The following INPP5A variants were observed in gnomAD, a reference collection of about 807,000 sequenced individuals.
The protein encoded by INPP5A is inositol polyphosphate-5-phosphatase A.
Under a neutral mutation model 65.2 loss-of-function variants are expected in INPP5A, and 14 were observed. The observed-to-expected ratio is 0.21, with a 90% CI of 0.14 to 0.34. INPP5A has a LOEUF of 0.34. INPP5A is among the 10% of genes least tolerant of loss of function. INPP5A has a pLI of 1.00. For synonymous variants in INPP5A, 207 were observed against 208.3 expected (o/e 0.99, Z 0.05); for missense variants, 431 against 545.6 (o/e 0.79, Z 2.09).
Position 132,605,508 on chromosome 10 carries a change from AG to A in INPP5A, c.76-2404del, listed in dbSNP as rs370889626. ...AAGGGGCTGGGGATGGGGAGGGGACAGGGAGGGCGTGGATCCCCTGGGGGAT... is the reference window on the plus strand; with the variant it reads ...AAGGGGCTGGGGATGGGGAGGGGACAGGAGGGCGTGGATCCCCTGGGGGAT... On this transcript the variant is annotated intron_variant, in intron 1 of 15. Coordinates refer to ENST00000368594, the MANE Select transcript of INPP5A (RefSeq NM_005539.5). Among the ~76,000 whole-genome samples the A allele has an allele frequency of 5.6e-4, 74 of 132,612 alleles. No individual in the cohort carries two copies. The East Asian group carries it at 0.015, about 26-fold the overall frequency. The allele number at this position is 132,612 out of a possible 152,430, so 87.0% of individuals were successfully genotyped here. A position where few individuals can be genotyped will look rare whatever the true frequency, so the allele number is the denominator to read the frequency against.
rs1453277901 is a variant in INPP5A, at chr10:132,546,931, C to G, written c.75+8760C>G. 2.6e-5 allele frequency among the ~76,000 whole-genome samples: 4 copies of G among 152,210 alleles called. No individual in the cohort carries two copies. Among genetic ancestry groups the G allele is most frequent in the Non-Finnish European group, 2.9e-5 (2 of 68,024 alleles). Reference sequence around the variant, plus strand: ...CCTGCTCAGCAGAGCCCAGGCCTGGCCCTGGTTAGCAGGCTGTGTCATCTG... The same window carrying G: ...CCTGCTCAGCAGAGCCCAGGCCTGGGCCTGGTTAGCAGGCTGTGTCATCTG... On this transcript the variant is annotated intron_variant, in intron 1 of 15. Transcript: ENST00000368594. This position sits in a 1 kb window ranked among gnomAD's most constrained non-coding sequence, Gnocchi z 5.7.
intron 12 of INPP5A, among the ~76,000 whole-genome samples, chr10:132,769,508 G>T (rs900956261): frequency 2.0e-5 from 3 of 152,214 alleles, no homozygotes; most frequent in Non-Finnish European, 4.4e-5. Flanking sequence ...TTCATGCCAT[G>T]TGCTATTTCC....
intron 1 of INPP5A, among the ~76,000 whole-genome samples, chr10:132,573,997 G>A (rs2814442): frequency 9.7e-6 from 1 of 103,332 alleles, no homozygotes; most frequent in Admixed American, 1.0e-4. Context: ...ACGTGCCGTG[G>A]GAGGTTTTGT....
intron 8 of INPP5A, among the ~76,000 whole-genome samples, chr10:132,714,175 G>A (rs1375749795): frequency 1.3e-5 from 2 of 152,210 alleles, no homozygotes; most frequent in African/African-American, 4.8e-5. Flanking sequence ...GCGGCCTCAA[G>A]AAAGCAGCCT....
chr10:132,688,748 G>A (rs1286412311), intron 4 of INPP5A, among the ~76,000 whole-genome samples: 2 of 151,988 alleles, frequency 1.3e-5, no homozygotes, highest in Admixed American at 1.3e-4. Context: ...GCAAGTGTGT[G>A]AGCAAGTGCA....
rs775271931 is a variant in INPP5A at position 132,635,386 on chromosome 10, ATTTTT to A, written c.118-10459_118-10455del. The stretch of plus-strand genomic sequence containing the variant: ...TTATTGGCTGTTTGCCTTTTTAAAG[ATTTTT>A]TTTTTTTTTTTTTTTTTTTTTTGAG... On this transcript the variant is annotated intron_variant, in intron 2 of 15. Transcript: ENST00000368594. 9.2e-4 allele frequency among the ~76,000 whole-genome samples: 50 copies of A among 54,512 alleles called. 1 individual carries two copies. The highest frequency in any genetic ancestry group is 4.0e-3 in the South Asian group (4 of 994). 35.8% of individuals were successfully genotyped at this position (54,512 alleles called of 152,430 possible).
chr10:132,767,911 A>C (rs1207856462), intron 12 of INPP5A, among the ~76,000 whole-genome samples: 1 of 134,050 alleles, frequency 7.5e-6, no homozygotes, highest in Non-Finnish European at 1.5e-5. Context: ...ATGGACCCCA[A>C]CCCTCGGCAT....
intron 12 of INPP5A, among the ~76,000 whole-genome samples, chr10:132,776,967 G>A (rs1591008053): frequency 6.6e-6 from 1 of 152,328 alleles, no homozygotes; most frequent in East Asian, 1.9e-4. Context: ...GCTGTGCCCT[G>A]GCCGGCGGTG....
rs1228568344 is a variant in INPP5A, at chr10:132,678,890, G to GA, written c.307-11498dup. ...AGCAGGGGGTCCATGTGAGAAGCTGGAAAAGGGGAGGCAGCAGAGGTACCC... is the reference window on the plus strand; with the variant it reads ...AGCAGGGGGTCCATGTGAGAAGCTGGAAAAAGGGGAGGCAGCAGAGGTACCC... On this transcript the variant is annotated intron_variant, in intron 4 of 15. Coordinates refer to ENST00000368594, the MANE Select transcript of INPP5A (RefSeq NM_005539.5). The surrounding 1 kb of genome is among the most constrained non-coding windows in gnomAD (Gnocchi z 4.1). 2.6e-5 allele frequency among the ~76,000 whole-genome samples: 4 copies of GA among 152,318 alleles called. No homozygotes were observed. The East Asian group carries it at 7.7e-4, about 29-fold the overall frequency.
rs1012195327 is a variant in INPP5A at position 132,753,738 on chromosome 10, G to A, written c.903+3893G>A. On this transcript the variant is annotated intron_variant, in intron 11 of 15. Coordinates refer to ENST00000368594, the MANE Select transcript of INPP5A (RefSeq NM_005539.5). This position sits in a 1 kb window ranked among gnomAD's most constrained non-coding sequence, Gnocchi z 5.3. ...TGTTTAGCAACCGCTGTAGCCCCAG[G>A]TGCATTGATTTTCTGGGCCTCTTTC... is the stretch of plus-strand genomic sequence containing the variant. 6.6e-6 allele frequency: 1 copy of A among 152,142 alleles called. No homozygotes were observed. Among genetic ancestry groups the A allele is most frequent in the Non-Finnish European group, 1.5e-5 (1 of 68,038 alleles). The allele number at this position is 152,142 out of a possible 1,614,324, so 9.4% of individuals were successfully genotyped here. A position where few individuals can be genotyped will look rare whatever the true frequency, so the allele number is the denominator to read the frequency against.
rs998236324 is a variant in INPP5A, at chr10:132,603,273, A to G, written c.76-4642A>G. 1.3e-5 allele frequency among the ~76,000 whole-genome samples: 2 copies of G among 152,208 alleles called. No individual in the cohort carries two copies. Among genetic ancestry groups the G allele is most frequent in the Non-Finnish European group, 2.9e-5 (2 of 68,032 alleles). ...CTGTATAGCAAACACGCTAAAGATC[A>G]TCTCAGTTTTTTAGTACTTCTCACT... On this transcript the variant is annotated intron_variant, in intron 1 of 15. Coordinates refer to ENST00000368594, the MANE Select transcript of INPP5A (RefSeq NM_005539.5). The surrounding 1 kb of genome is among the most constrained non-coding windows in gnomAD (Gnocchi z 4.2).
Position 132,550,539 on chromosome 10 carries a change from C to A in INPP5A, c.75+12368C>A, listed in dbSNP as rs1048213027. ...GCTGAGCTTTTCCGTGAACCGGCAG[C>A]TGTGTCCCTTGACGTGCTGAGAGGG... is the stretch of plus-strand genomic sequence containing the variant. On this transcript the variant is annotated intron_variant, in intron 1 of 15. Transcript: ENST00000368594. The surrounding 1 kb of genome is among the most constrained non-coding windows in gnomAD (Gnocchi z 4.2). 6.6e-6 allele frequency among the ~76,000 whole-genome samples: 1 copy of A among 152,236 alleles called. No homozygotes were observed. The highest frequency in any genetic ancestry group is 1.5e-5 in the Non-Finnish European group (1 of 68,040).
chr10:132,779,773 G>A lies in INPP5A; in HGVS notation c.1090-1076G>A, dbSNP rs75882743. On this transcript the variant is annotated intron_variant, in intron 13 of 15. Coordinates refer to ENST00000368594, the MANE Select transcript of INPP5A (RefSeq NM_005539.5). Reference sequence around the variant, plus strand: ...TCCGCAGCCTCATCCATCATGACACGCGCCGTCACCTCGTCACCAAGCTCC... The same window carrying A: ...TCCGCAGCCTCATCCATCATGACACACGCCGTCACCTCGTCACCAAGCTCC... 5.8e-4 allele frequency among the ~76,000 whole-genome samples: 89 copies of A among 152,322 alleles called. 2 individuals carry two copies. In the East Asian group the frequency reaches 8.9e-3, roughly 15 times the overall value.
At chr10:132,779,531 G>A (rs987626558) in intron 13 of INPP5A, among the ~76,000 whole-genome samples, 9 of 152,372 alleles carry the variant, frequency 5.9e-5, no homozygotes, top group East Asian at 3.9e-4. Flanking sequence ...GCAGGGCAGC[G>A]TTGCAGCCCG....
chr10:132,683,528 A>G (rs1477003857), intron 4 of INPP5A, among the ~76,000 whole-genome samples: 1 of 152,244 alleles, frequency 6.6e-6, no homozygotes, highest in African/African-American at 2.4e-5. Context: ...GCAGTGACCC[A>G]GCAAATCCTC....
At chr10:132,773,507 A>T (rs1846991958) in intron 12 of INPP5A, among the ~76,000 whole-genome samples, 1 of 152,172 alleles carries the variant, frequency 6.6e-6, no homozygotes, top group African/African-American at 2.4e-5. Context: ...CGTGGGCCAT[A>T]ATTTATGTTC....
intron 2 of INPP5A, among the ~76,000 whole-genome samples, chr10:132,624,743 G>A (rs776329007): frequency 4.6e-5 from 7 of 152,148 alleles, no homozygotes; most frequent in Non-Finnish European, 1.0e-4. Flanking sequence ...GGTTCCAGCT[G>A]CCTGGATGCC....
chr10:132,764,534 C>T (rs1846797496), intron 11 of INPP5A, among the ~76,000 whole-genome samples: 1 of 140,778 alleles, frequency 7.1e-6, no homozygotes, highest in African/African-American at 2.7e-5. Context: ...ACGGTCGGGC[C>T]AGTCCTGCAG....
At position 132,538,937 on chromosome 10, in the gene INPP5A, G is replaced by A. The variant is rs2070875940; in HGVS notation, c.75+766G>A. On this transcript the variant is annotated intron_variant, in intron 1 of 15. Transcript: ENST00000368594. This position sits in a 1 kb window ranked among gnomAD's most constrained non-coding sequence, Gnocchi z 4.1. Reference sequence around the variant, plus strand: ...CCCTGAATTTCAACCTCAGGCCCCAGCTTATGGCCCTGAACACTTGTCCTT... The same window carrying A: ...CCCTGAATTTCAACCTCAGGCCCCAACTTATGGCCCTGAACACTTGTCCTT... Among the ~76,000 whole-genome samples the A allele has an allele frequency of 6.6e-6, 1 of 152,000 alleles. No individual in the cohort carries two copies. Among genetic ancestry groups the A allele is most frequent in the Non-Finnish European group, 1.5e-5 (1 of 67,990 alleles).
Sources: allele counts gnomAD v4.1 joint callset (sites outside exome capture counted in the v4.1 genomes callset), GRCh38; gene constraint gnomAD v4.1.1; non-coding constraint Gnocchi (gnomAD v3.1); transcripts MANE v1.5; gene names NCBI Gene and HGNC (gene_info 2026-07-23, HGNC 2026-07-21).